Variants in WDR72 observed in about 807,000 individuals in gnomAD.
WDR72 encodes WD repeat domain 72.
A neutral mutation model predicts 124.2 loss-of-function variants in WDR72; 120 were observed. That is an observed-to-expected ratio of 0.97 (90% CI 0.83 to 1.12). The LOEUF is 1.12. WDR72 is among the 50% of genes most tolerant of loss of function. The pLI is 0.00. For synonymous variants in WDR72, 452 were observed against 441.7 expected (o/e 1.02, Z -0.29); for missense variants, 1,387 against 1,278.8 (o/e 1.08, Z -1.29).
chr15:53,561,084 TTTTGAG>T lies in WDR72; in HGVS notation c.3148+35989_3148+35994del, dbSNP rs529677118. Reference sequence around the variant, plus strand: ...GGCATTTTAGAGTTGTATTATTTGATTTTGAGTATCATAAACTGCATTGTTCAGAAC... The same window carrying T: ...GGCATTTTAGAGTTGTATTATTTGATTATCATAAACTGCATTGTTCAGAAC... On this transcript the variant is annotated intron_variant, in intron 18 of 19. Transcript: ENST00000360509. Among the ~76,000 whole-genome samples the T allele has an allele frequency of 2.2e-4, 24 of 108,894 alleles. No homozygotes were observed. In the East Asian group the frequency reaches 3.1e-3, roughly 14 times the overall value. 71.4% of individuals were successfully genotyped at this position (108,894 alleles called of 152,430 possible). A position where few individuals can be genotyped will look rare whatever the true frequency, so the allele number is the denominator to read the frequency against.
At chr15:53,644,722 G>A (rs1162977325) in intron 14 of WDR72, among the ~76,000 whole-genome samples, 1 of 152,080 alleles carries the variant, frequency 6.6e-6, no homozygotes. Context: ...GATCGTTGTT[G>A]GCAGTAAAAC....
chr15:53,522,671 C>A (rs558984218), intron 19 of WDR72, among the ~76,000 whole-genome samples: 192 of 152,076 alleles, frequency 1.3e-3, no homozygotes, highest in African/African-American at 4.5e-3. Flanking sequence ...GTAACTTTGA[C>A]AAAGAAAAGC....
At chr15:53,697,627 C>T (rs1445991473) in intron 13 of WDR72, among the ~76,000 whole-genome samples, 3 of 152,160 alleles carry the variant, frequency 2.0e-5, no homozygotes, top group Admixed American at 2.0e-4. Flanking sequence ...CTAATCCCTG[C>T]CCACACCTCT....
chr15:53,618,636 T>G (rs570159967), intron 14 of WDR72, among the ~76,000 whole-genome samples: 1 of 152,158 alleles, frequency 6.6e-6, no homozygotes, highest in East Asian at 1.9e-4. Context: ...CTGATGCAGT[T>G]GAGAAGTCAG....
At chr15:53,690,300 A>G (rs1347930772) in intron 13 of WDR72, among the ~76,000 whole-genome samples, 15 of 152,198 alleles carry the variant, frequency 9.9e-5, no homozygotes, top group Non-Finnish European at 2.9e-5. Context: ...CATTGACATA[A>G]TATACATTAA....
chr15:53,698,307 T>C (rs1267277301), intron 13 of WDR72, among the ~76,000 whole-genome samples: 4 of 152,178 alleles, frequency 2.6e-5, no homozygotes, highest in Non-Finnish European at 5.9e-5. Flanking sequence ...CTATCACCTA[T>C]GAAAAATATG....
chr15:53,667,060 T>G (rs2015803651), intron 13 of WDR72, among the ~76,000 whole-genome samples: 2 of 152,160 alleles, frequency 1.3e-5, no homozygotes, highest in African/African-American at 4.8e-5. Flanking sequence ...CCACCAAGAT[T>G]GATCTATCTG....
At chr15:53,588,297 C>T (rs1488957733) in intron 18 of WDR72, among the ~76,000 whole-genome samples, 1 of 151,900 alleles carries the variant, frequency 6.6e-6, no homozygotes, top group East Asian at 1.9e-4. Context: ...TAATAAGTTC[C>T]AACTTTTGCC....
chr15:53,661,490 T>C (rs1387143095), intron 14 of WDR72, among the ~76,000 whole-genome samples: 5 of 152,146 alleles, frequency 3.3e-5, no homozygotes, highest in African/African-American at 1.2e-4. Flanking sequence ...CCCCATGACC[T>C]AAAGACCTCT....
intron 18 of WDR72, among the ~76,000 whole-genome samples, chr15:53,526,628 A>G (rs1236476239): frequency 6.6e-6 from 1 of 152,052 alleles, no homozygotes; most frequent in Non-Finnish European, 1.5e-5. Context: ...TTATCACAGT[A>G]AGTTGTCCTT....
chr15:53,515,558 T>C lies in WDR72; in HGVS notation c.*2141A>G, dbSNP rs906880972. ...AGGAATTAAAAGCTTTCATAGTTAA[T>C]GGTATGATATTGGCCTTCAGAATTC... On this transcript the variant is annotated 3_prime_UTR_variant, in exon 20 of 20. Transcript: ENST00000360509. 6.6e-6 allele frequency: 1 copy of C among 152,190 alleles called. No individual in the cohort carries two copies. Among genetic ancestry groups the C allele is most frequent in the Non-Finnish European group, 1.5e-5 (1 of 68,020 alleles). 9.4% of individuals were successfully genotyped at this position (152,190 alleles called of 1,614,324 possible). A position where few individuals can be genotyped will look rare whatever the true frequency, so the allele number is the denominator to read the frequency against.
intron 13 of WDR72, among the ~76,000 whole-genome samples, chr15:53,686,240 G>A (rs1049243492): frequency 6.6e-6 from 1 of 151,750 alleles, no homozygotes; most frequent in African/African-American, 2.4e-5. Context: ...TGGACTAAAT[G>A]CTCCCATTAA....
intron 2 of WDR72, among the ~76,000 whole-genome samples, chr15:53,727,792 C>T (rs1052292120): frequency 6.6e-5 from 10 of 152,196 alleles, no homozygotes; most frequent in African/African-American, 2.4e-4. Flanking sequence ...TAAATCCCCA[C>T]ATATATTTGA....
At chr15:53,577,437 C>T (rs185568624) in intron 18 of WDR72, among the ~76,000 whole-genome samples, 49 of 152,184 alleles carry the variant, frequency 3.2e-4, no homozygotes, top group African/African-American at 1.2e-3. Flanking sequence ...TGAGAGATGA[C>T]TCAATACCAT....
intron 15 of WDR72, 75 bp from the exon 16 acceptor site, chr15:53,613,832 G>C: frequency 1.0e-6 from 1 of 994,636 alleles, no homozygotes; most frequent in Non-Finnish European, 1.6e-6. Context: ...CAAAGATATG[G>C]GTACATGACC....
chr15:53,527,804 TAA>T (rs1409525620), intron 18 of WDR72, among the ~76,000 whole-genome samples: 1 of 151,956 alleles, frequency 6.6e-6, no homozygotes, highest in Non-Finnish European at 1.5e-5. Flanking sequence ...CAGGAAAGAC[TAA>T]AAGATAGCTC....
In WDR72 at chr15:53,517,497, G is replaced by T. The variant is rs563363426; in HGVS notation, c.*202C>A. 6 of 565,022 alleles carry T rather than the reference G, an allele frequency of 1.1e-5. No individual in the cohort carries two copies. The highest frequency in any genetic ancestry group is 2.9e-5 in the Admixed American group (1 of 34,790). 35.0% of individuals were successfully genotyped at this position (565,022 alleles called of 1,614,324 possible). ...TATTTTTCTAAAATTAGATGAATAT[G>T]AATATTTTCAATCAGTATGTATTGC... On this transcript the variant is annotated 3_prime_UTR_variant, in exon 20 of 20. Coordinates refer to ENST00000360509, the MANE Select transcript of WDR72 (RefSeq NM_182758.4).
At chr15:53,701,559 T>TCTCTCTCTCTCTCTCTCTCTCA (rs369568228) in intron 12 of WDR72, among the ~76,000 whole-genome samples, 2 of 120,102 alleles carry the variant, frequency 1.7e-5, no homozygotes, top group East Asian at 2.9e-4. Context: ...TCTCTCTCTC[T>TCTCTCTCTCTCTCTCTCTCTCA]CACACACACA....
chr15:53,578,324 C>T (rs1476578721), intron 18 of WDR72, among the ~76,000 whole-genome samples: 1 of 152,082 alleles, frequency 6.6e-6, no homozygotes. Context: ...ACAGAGAGGC[C>T]TTTCCAGAGG....
Sources: allele counts gnomAD v4.1 joint callset (sites outside exome capture counted in the v4.1 genomes callset), GRCh38; gene constraint gnomAD v4.1.1; transcripts MANE v1.5; gene names NCBI Gene and HGNC (gene_info 2026-07-23, HGNC 2026-07-21).